Variants in CSN3 observed in about 807,000 individuals in gnomAD.
CSN3 encodes the protein kappa-casein.
Under a neutral mutation model 9.9 loss-of-function variants are expected in CSN3, and 7 were observed. The ratio of observed to expected loss-of-function variants is 0.71; its 90% CI spans 0.40 to 1.33. The LOEUF (loss-of-function observed/expected upper bound fraction) is 1.33. CSN3 is among the 40% of genes most tolerant of loss of function. The pLI is 0.01. For synonymous variants in CSN3, 88 were observed against 82.3 expected (o/e 1.07, Z -0.37); for missense variants, 253 against 227.9 (o/e 1.11, Z -0.71).
upstream of CSN3, among the ~76,000 whole-genome samples, chr4:70,240,505 G>A (rs1460538821): frequency 6.6e-6 from 1 of 151,950 alleles, no homozygotes; most frequent in African/African-American, 2.4e-5. Context: ...CAGTTTGGAG[G>A]CCTTGTTCAG....
At chr4:70,245,742 T>C (rs961978793) in intron 2 of CSN3, among the ~76,000 whole-genome samples, 4 of 152,122 alleles carry the variant, frequency 2.6e-5, no homozygotes, top group African/African-American at 9.7e-5. Context: ...TAGAGTTGCT[T>C]TTAAGTTAAC....
chr4:70,243,200 C>G, intron 1 of CSN3: 1 of 968,324 alleles, frequency 1.0e-6, no homozygotes, highest in Non-Finnish European at 1.2e-6. Context: ...AAAGTATGGT[C>G]TTATCTCTGT....
chr4:70,243,968 C>G lies in CSN3; in HGVS notation c.-8-844C>G, dbSNP rs139321382. ...TCCACTTCCCATTCCATCCTACATA[C>G]TTCTGTTGGATTGATCATGGAATTA... On this transcript the variant is annotated intron_variant, in intron 1 of 4. Coordinates refer to ENST00000304954, the Ensembl canonical transcript of CSN3. Among the ~76,000 whole-genome samples, 472 of 152,122 alleles carry G rather than the reference C, an allele frequency of 3.1e-3. 2 individuals carry two copies. The highest frequency in any genetic ancestry group is 0.023 in the Admixed American group (345 of 15,250).
At chr4:70,244,325 C>G (rs1457983378) in intron 1 of CSN3, among the ~76,000 whole-genome samples, 1 of 152,032 alleles carries the variant, frequency 6.6e-6, no homozygotes, top group Non-Finnish European at 1.5e-5. Flanking sequence ...AGACTTTCTC[C>G]TCTACTTGAA....
At chr4:70,247,917 G>A in intron 3 of CSN3, 67 bp downstream of exon 3, 9 of 1,145,446 alleles carry the variant, frequency 7.9e-6, no homozygotes, top group South Asian at 1.6e-5. Flanking sequence ...AAGGTCAATT[G>A]TATTATAGAT....
chr4:70,241,392 C>T (rs62308374), upstream of CSN3, among the ~76,000 whole-genome samples: 17,228 of 151,860 alleles, frequency 0.11, 1,285 homozygotes, highest in East Asian at 0.27. Context: ...GAATATTGTT[C>T]CTAACTTTCT....
In CSN3 at chr4:70,248,242, T is replaced by C. The variant is rs111500790; in HGVS notation, c.87+392T>C. Among the ~76,000 whole-genome samples the C allele has an allele frequency of 6.7e-3, 1,017 of 152,292 alleles. 6 individuals are homozygous for C. The highest frequency in any genetic ancestry group is 0.023 in the African/African-American group (976 of 41,584). On this transcript the variant is annotated intron_variant, in intron 3 of 4. Coordinates refer to ENST00000304954, the Ensembl canonical transcript of CSN3. ...ATACTTCTCATACATCTATATTTAC[T>C]TCCCCTTTCGTTTCCCAAATATGTT...
upstream of CSN3, among the ~76,000 whole-genome samples, chr4:70,241,514 A>C (rs1432719380): frequency 6.6e-6 from 1 of 152,036 alleles, no homozygotes; most frequent in African/African-American, 2.4e-5. Context: ...TAAGTTCCTC[A>C]ATCTGGTCAG....
upstream of CSN3, among the ~76,000 whole-genome samples, chr4:70,241,799 T>C (rs767064644): frequency 6.6e-6 from 1 of 152,014 alleles, no homozygotes; most frequent in East Asian, 1.9e-4. Flanking sequence ...AGTTTATTCA[T>C]AAGAGGATAA....
chr4:70,248,438 A>C (rs571419457), intron 3 of CSN3, among the ~76,000 whole-genome samples: 1 of 152,302 alleles, frequency 6.6e-6, no homozygotes, highest in South Asian at 2.1e-4. Context: ...AAACCAAAAA[A>C]AATCCAAAAT....
At chr4:70,244,062 G>A (rs149584540) in intron 1 of CSN3, among the ~76,000 whole-genome samples, 2 of 152,112 alleles carry the variant, frequency 1.3e-5, no homozygotes, top group African/African-American at 4.8e-5. Context: ...CCCAGGAAAG[G>A]GAAATCACTT....
chr4:70,246,605 T>C (rs1180060179), intron 2 of CSN3, among the ~76,000 whole-genome samples: 1 of 151,724 alleles, frequency 6.6e-6, no homozygotes, highest in East Asian at 1.9e-4. Flanking sequence ...TAGGTTGATA[T>C]CGCATTAAGG....
chr4:70,243,442 A>G (rs1730310832), intron 1 of CSN3, among the ~76,000 whole-genome samples: 1 of 152,070 alleles, frequency 6.6e-6, no homozygotes, highest in Admixed American at 6.6e-5. Flanking sequence ...AATGAGTTCC[A>G]TCGAATGGAA....
chr4:70,238,766 T>C (rs1730218995), upstream of CSN3, among the ~76,000 whole-genome samples: 1 of 151,788 alleles, frequency 6.6e-6, no homozygotes, highest in Non-Finnish European at 1.5e-5. Context: ...ATAGAATTAA[T>C]AATTCTTCTA....
intron 3 of CSN3, 77 bp from the exon 4 acceptor site, chr4:70,248,921 C>CA (rs1027660118): frequency 3.9e-5 from 41 of 1,057,836 alleles, no homozygotes; most frequent in Non-Finnish European, 5.0e-5. Flanking sequence ...TATATTATTT[C>CA]AAAAAATGCA....
chr4:70,240,716 T>A (rs1056424306), upstream of CSN3, among the ~76,000 whole-genome samples: 1 of 152,044 alleles, frequency 6.6e-6, no homozygotes, highest in South Asian at 2.1e-4. Flanking sequence ...AGTACTCAAG[T>A]AAATTTTAGA....
intron 1 of CSN3, among the ~76,000 whole-genome samples, chr4:70,243,581 T>C (rs1428425047): frequency 1.3e-5 from 2 of 152,108 alleles, no homozygotes; most frequent in Non-Finnish European, 2.9e-5. Context: ...GCTTTAATTC[T>C]GTGAATCTTT....
At chr4:70,245,729 G>C (rs1206802306) in intron 2 of CSN3, among the ~76,000 whole-genome samples, 4 of 152,176 alleles carry the variant, frequency 2.6e-5, no homozygotes, top group African/African-American at 9.6e-5. Context: ...TTATTATTAA[G>C]TTTAGAGTTG....
At position 70,248,993 on chromosome 4, in the gene CSN3, TGCAG is replaced by T; in HGVS notation, c.88-4_88-1del. The T allele has an allele frequency of 1.3e-6, 2 of 1,553,024 alleles. No homozygotes were observed. Among genetic ancestry groups the T allele is most frequent in the South Asian group, 1.2e-5 (1 of 82,784 alleles). On this transcript the variant is annotated splice_acceptor_variant and splice_polypyrimidine_tract_variant and intron_variant, in intron 3 of 4. Transcript: ENST00000304954. LOFTEE classifies it high-confidence loss of function. ...AATATTCTGTATAATTTATTTTTTT[TGCAG>T]TGCCATGAGAATGATGAAAGACCAT...
Sources: gnomAD v4.1 joint callset for allele counts (sites outside exome capture counted in the v4.1 genomes callset) on GRCh38, gnomAD v4.1.1 for gene constraint, MANE v1.5 for transcripts, NCBI Gene and HGNC (gene_info 2026-07-23, HGNC 2026-07-21) for gene names.